GTF3C1: variants seen among roughly 807,000 people sequenced by gnomAD.
GTF3C1 encodes the protein general transcription factor IIIC subunit 1.
Under a neutral mutation model 226.7 loss-of-function variants are expected in GTF3C1, and 57 were observed. The ratio of observed to expected loss-of-function variants is 0.25; its 90% CI spans 0.20 to 0.31. GTF3C1 has a LOEUF of 0.31. GTF3C1 is among the 10% of genes least tolerant of loss of function. The probability of loss-of-function intolerance (pLI) is 1.00; values close to 1 mark genes in which losing one functional copy is unlikely to be tolerated. For missense variants in GTF3C1, 2,217 were observed against 2,776.1 expected (o/e 0.80, Z 4.53); for synonymous variants, 1,090 against 1,084.8 (o/e 1.00, Z -0.09).
At chr16:27,501,371 C>T (rs1288608378) in intron 11 of GTF3C1, 27 bp from the exon 12 acceptor site, 1 of 1,608,678 alleles carries the variant, frequency 6.2e-7, no homozygotes, top group Admixed American at 1.7e-5. Flanking sequence ...AAGCAGATAA[C>T]ACTCCCAATC....
At chr16:27,527,126 T>C (rs926864654) in intron 6 of GTF3C1, among the ~76,000 whole-genome samples, 3 of 152,192 alleles carry the variant, frequency 2.0e-5, no homozygotes, top group Non-Finnish European at 4.4e-5. Flanking sequence ...AGGATTAGCT[T>C]GAGCCTGGGA....
rs762328345 is a variant in GTF3C1, at chr16:27,461,599, C to A, written c.6118-37G>T. 2.1e-6 allele frequency: 3 copies of A among 1,427,168 alleles called. No homozygotes were observed. The highest frequency in any genetic ancestry group is 3.0e-6 in the Non-Finnish European group (3 of 1,013,922). The allele number at this position is 1,427,168 out of a possible 1,614,324, so 88.4% of individuals were successfully genotyped here. ...AGACACACAGGTTACAGCGGCACTG[C>A]CCTCGCCTGCTTGTTGATTTATTCT... On this transcript the variant is annotated intron_variant, in intron 36 of 36. Transcript: ENST00000356183. This position sits in a 1 kb window ranked among gnomAD's most constrained non-coding sequence, Gnocchi z 5.3.
intron 10 of GTF3C1, among the ~76,000 whole-genome samples, chr16:27,504,790 T>A (rs1596639728): frequency 1.3e-5 from 2 of 152,158 alleles, no homozygotes; most frequent in Admixed American, 1.3e-4. Flanking sequence ...TGGCATATGC[T>A]TGCAGAAGAG....
At position 27,465,546 on chromosome 16, in the gene GTF3C1, G is replaced by C; in HGVS notation, c.5075-6C>G. Reference sequence around the variant, plus strand: ...TAGCTCTTCCAGAGGAGCGGCTGTGGGGACACAGAGGAAGATCAGAGGCAG... The same window carrying C: ...TAGCTCTTCCAGAGGAGCGGCTGTGCGGACACAGAGGAAGATCAGAGGCAG... On this transcript the variant is annotated splice_polypyrimidine_tract_variant and splice_region_variant and intron_variant, in intron 32 of 36. Transcript: ENST00000356183. 1 of 1,592,710 alleles carries C rather than the reference G, an allele frequency of 6.3e-7. No homozygotes were observed.
Position 27,505,916 on chromosome 16 carries a change from G to A in GTF3C1, c.1753C>T (p.Arg585Trp), listed in dbSNP as rs1193775086. The change falls in exon 10 of 37, where the codon CGG becomes TGG. Residue 585 changes from arginine (R) to tryptophan (W), a missense_variant. Around this residue, in one of 12 missense-constraint regions of GTF3C1, gnomAD observed 173 missense variants for 207.2 expected, o/e 0.83. Transcript: ENST00000356183. ...SGDIAVIEEV[R>W]MENPKESSSS... is the part of the protein sequence containing the mutation. ...GCACTGACCTTTGGGTTTTCCATCC[G>A]GACCTCCTCGATCACAGCTATGTCA... The A allele has an allele frequency of 4.4e-6, 7 of 1,605,538 alleles. No individual in the cohort carries two copies. The highest frequency in any genetic ancestry group is 2.2e-5 in the East Asian group (1 of 44,860).
At position 27,549,780 on chromosome 16, in the gene GTF3C1, C is replaced by T; in HGVS notation, c.111G>A (p.Leu37=). 6.2e-7 allele frequency: 1 copy of T among 1,613,006 alleles called. No homozygotes were observed. Among genetic ancestry groups the T allele is most frequent in the Non-Finnish European group, 8.5e-7 (1 of 1,179,870 alleles). The change falls in exon 1 of 37, where the codon CTG becomes CTA. Residue 37 remains leucine, a synonymous_variant. Transcript: ENST00000356183. The stretch of plus-strand genomic sequence containing the variant: ...ACTCCTGCGTGCAGGGTTCCAAAGG[C>T]AGCGGGAAGGGCGGCACTCGCGTCT... ...RLETRVPPFP[L]PLEPCTQEFL...
intron 29 of GTF3C1, among the ~76,000 whole-genome samples, chr16:27,475,890 A>G (rs1596618610): frequency 6.6e-6 from 1 of 152,260 alleles, no homozygotes; most frequent in Non-Finnish European, 1.5e-5. Context: ...GCCATGCCTC[A>G]TTTCCTCTCC....
chr16:27,462,469 C>G lies in GTF3C1; in HGVS notation c.5942G>C (p.Cys1981Ser). 1 of 1,613,712 alleles carries G rather than the reference C, an allele frequency of 6.2e-7. No individual in the cohort carries two copies. Among genetic ancestry groups the G allele is most frequent in the Non-Finnish European group, 8.5e-7 (1 of 1,179,728 alleles). Residue 1981 changes from cysteine (C) to serine (S), a missense_variant, in exon 36 of 37, where the codon TGC (cysteine) becomes TCC (serine). Transcript: ENST00000356183. This position sits in a 1 kb window ranked among gnomAD's most constrained non-coding sequence, Gnocchi z 4.5. ...AARERDCESVCFIGRPWRVVD... is the reference protein window; with the variant it reads ...AARERDCESVSFIGRPWRVVD... ...GACACGCCACGGCCGGCCGATGAAG[C>G]AGACACTCTCACAGTCCCTGCAGGG...
At chr16:27,538,153 AGC>A in intron 3 of GTF3C1, 25 bp downstream of exon 3, 1 of 1,479,130 alleles carries the variant, frequency 6.8e-7, no homozygotes, top group East Asian at 2.3e-5. Context: ...TATAATTTAA[AGC>A]AGAGAAGCAA....
chr16:27,481,689 G>A (rs537625467), intron 26 of GTF3C1, among the ~76,000 whole-genome samples: 4 of 152,240 alleles, frequency 2.6e-5, no homozygotes, highest in South Asian at 2.1e-4. Flanking sequence ...AGCTGGTTGC[G>A]TCACCCAGTG....
chr16:27,497,963 T>C, intron 13 of GTF3C1, 142 bp from the exon 14 acceptor site: 1 of 651,040 alleles, frequency 1.5e-6, no homozygotes, highest in Non-Finnish European at 2.5e-6. Context: ...AGGGAGATGA[T>C]GCAAACAAAA....
At chr16:27,540,714 C>A (rs1243865835) in intron 2 of GTF3C1, among the ~76,000 whole-genome samples, 1 of 152,220 alleles carries the variant, frequency 6.6e-6, no homozygotes, top group African/African-American at 2.4e-5. Flanking sequence ...GTCATAACTT[C>A]TCTCACAGAA....
intron 11 of GTF3C1, 75 bp from the exon 12 acceptor site, chr16:27,501,419 A>ACATGCCTCACGGTACC: frequency 1.5e-6 from 2 of 1,325,440 alleles, no homozygotes; most frequent in Non-Finnish European, 2.2e-6. Context: ...GGCAACACAG[A>ACATGCCTCACGGTACC]CATGCCTCAC....
chr16:27,523,577 A>C (rs145674030), intron 6 of GTF3C1, among the ~76,000 whole-genome samples: 1 of 152,142 alleles, frequency 6.6e-6, no homozygotes, highest in Non-Finnish European at 1.5e-5. Flanking sequence ...CTGCGCACGG[A>C]AAGTAACTGA....
Position 27,495,497 on chromosome 16 carries a change from A to G in GTF3C1, c.2351-5T>C. 1 of 1,611,568 alleles carries G rather than the reference A, an allele frequency of 6.2e-7. No homozygotes were observed. Among genetic ancestry groups the G allele is most frequent in the South Asian group, 1.1e-5 (1 of 90,718 alleles). On this transcript the variant is annotated splice_region_variant and splice_polypyrimidine_tract_variant and intron_variant, in intron 14 of 36. Coordinates refer to ENST00000356183, the MANE Select transcript of GTF3C1 (RefSeq NM_001520.4). ...GAGAACGCCCCAGTCCGGGAACTAA[A>G]GCAAGAGAGGGAGAGGGCGGTGCTT...
intron 26 of GTF3C1, among the ~76,000 whole-genome samples, chr16:27,481,482 G>A (rs1229095614): frequency 1.3e-5 from 2 of 151,974 alleles, no homozygotes; most frequent in East Asian, 1.9e-4. Context: ...CAAGCCCCAG[G>A]TGAGATGACT....
intron 6 of GTF3C1, among the ~76,000 whole-genome samples, chr16:27,520,821 CG>C (rs2088735908): frequency 1.3e-5 from 2 of 151,898 alleles, no homozygotes; most frequent in Non-Finnish European, 2.9e-5. Context: ...CCAGTTCAAG[CG>C]ATTCTCCTGC....
rs745711712 is a variant in GTF3C1 at position 27,465,554 on chromosome 16, G to C, written c.5075-14C>G. ...CCAGAGGAGCGGCTGTGGGGACACA[G>C]AGGAAGATCAGAGGCAGCCCGACAG... On this transcript the variant is annotated splice_polypyrimidine_tract_variant and intron_variant, in intron 32 of 36. Coordinates refer to ENST00000356183, the MANE Select transcript of GTF3C1 (RefSeq NM_001520.4). 3 of 1,589,810 alleles carry C rather than the reference G, an allele frequency of 1.9e-6. No homozygotes were observed. Among genetic ancestry groups the C allele is most frequent in the East Asian group, 4.5e-5 (2 of 44,570 alleles).
intron 21 of GTF3C1, 77 bp from the exon 22 acceptor site, chr16:27,488,712 G>A (rs232066): frequency 0.17 from 205,408 of 1,233,478 alleles, 19,778 homozygotes; most frequent in African/African-American, 0.39. Flanking sequence ...CAAATGCACC[G>A]AGGTCTCTTA....
Sources: gnomAD v4.1 joint callset for allele counts (sites outside exome capture counted in the v4.1 genomes callset) on GRCh38, gnomAD v4.1.1 for gene constraint, gnomAD v4.1.1 regional missense constraint, Gnocchi (gnomAD v3.1) non-coding constraint, MANE v1.5 for transcripts, NCBI Gene and HGNC (gene_info 2026-07-23, HGNC 2026-07-21) for gene names.